RB1CC1: variants seen among roughly 807,000 people sequenced by gnomAD.
The protein encoded by RB1CC1 is RB1-inducible coiled-coil protein 1.
RB1CC1 carries 46 observed loss-of-function variants against 177.5 expected under a neutral mutation model. The observed-to-expected ratio is 0.26, with a 90% CI of 0.20 to 0.33. The LOEUF (loss-of-function observed/expected upper bound fraction) is 0.33. Ranked by LOEUF, RB1CC1 falls within the 10% of genes least tolerant of loss-of-function variation. The probability of loss-of-function intolerance (pLI) is 1.00; values close to 1 mark genes in which losing one functional copy is unlikely to be tolerated. For missense variants in RB1CC1, 1,703 were observed against 1,816.3 expected, an observed-to-expected ratio of 0.94 and a Z score of 1.13; for synonymous variants, 666 against 613.6, an observed-to-expected ratio of 1.09 and a Z score of -1.26.
Position 52,667,974 on chromosome 8 carries a change from A to C in RB1CC1, c.1173+47T>G, listed in dbSNP as rs562352455. ...GATACTGCATATAAAACATGTGTAC[A>C]AAAAAACTATAAATTCCTTTTCCTG... On this transcript the variant is annotated intron_variant, in intron 8 of 23. Coordinates refer to ENST00000025008, the MANE Select transcript of RB1CC1 (RefSeq NM_014781.5). The C allele has an allele frequency of 8.2e-5, 128 of 1,566,600 alleles. No individual in the cohort carries two copies. The African/African-American group carries it at 1.5e-3, about 19-fold the overall frequency.
At chr8:52,691,083 C>T (rs965628926) in intron 1 of RB1CC1, among the ~76,000 whole-genome samples, 10 of 152,182 alleles carry the variant, frequency 6.6e-5, no homozygotes, top group Admixed American at 3.3e-4. Context: ...TTGTAGTTTC[C>T]GCCCCTCAGA....
intron 1 of RB1CC1, among the ~76,000 whole-genome samples, chr8:52,708,294 A>G (rs1207837961): frequency 2.0e-5 from 3 of 152,170 alleles, no homozygotes; most frequent in Non-Finnish European, 4.4e-5. Flanking sequence ...AGGCGGGTGG[A>G]TCACAAGGTA....
At chr8:52,661,851 A>C in intron 8 of RB1CC1, 132 bp from the exon 9 acceptor site, 1 of 633,476 alleles carries the variant, frequency 1.6e-6, no homozygotes, top group Non-Finnish European at 2.4e-6. Flanking sequence ...TAAATCCTCT[A>C]TTTTTCTCGA....
At chr8:52,695,878 A>G (rs1439465650) in intron 1 of RB1CC1, among the ~76,000 whole-genome samples, 1 of 152,098 alleles carries the variant, frequency 6.6e-6, no homozygotes, top group African/African-American at 2.4e-5. Context: ...GAATTCTCCA[A>G]AGAGAGGGTG....
chr8:52,699,344 T>C (rs1056019228), intron 1 of RB1CC1, among the ~76,000 whole-genome samples: 11 of 152,160 alleles, frequency 7.2e-5, no homozygotes, highest in Non-Finnish European at 1.3e-4. Context: ...GTAGGGGATA[T>C]CTGTTCTTCA....
At chr8:52,655,202 T>C (rs184749920) in intron 15 of RB1CC1, among the ~76,000 whole-genome samples, 1 of 152,250 alleles carries the variant, frequency 6.6e-6, no homozygotes, top group East Asian at 1.9e-4. Flanking sequence ...GGTTTAACAG[T>C]ATACCAATAT....
At chr8:52,690,334 C>T (rs991669844) in intron 1 of RB1CC1, among the ~76,000 whole-genome samples, 3 of 152,112 alleles carry the variant, frequency 2.0e-5, no homozygotes, top group African/African-American at 7.2e-5. Flanking sequence ...ATCCAAAACA[C>T]GTGTATTGAT....
Position 52,623,864 on chromosome 8 carries a change from G to T in RB1CC1, c.4708-5C>A. ...AACTTTAAATCTGTTTTGTGCCTAA[G>T]AGGGAAAGAAAAAATGGAATCACTA... On this transcript the variant is annotated splice_region_variant and splice_polypyrimidine_tract_variant and intron_variant, in intron 23 of 23. Transcript: ENST00000025008. 6.3e-7 allele frequency: 1 copy of T among 1,592,058 alleles called. No homozygotes were observed. Among genetic ancestry groups the T allele is most frequent in the South Asian group, 1.1e-5 (1 of 90,558 alleles).
chr8:52,703,098 T>A (rs1591141694), intron 1 of RB1CC1, among the ~76,000 whole-genome samples: 1 of 152,114 alleles, frequency 6.6e-6, no homozygotes, highest in Non-Finnish European at 1.5e-5. Flanking sequence ...TCAGCCAATG[T>A]GTTCCCAGTA....
chr8:52,707,432 C>T (rs200610864), intron 1 of RB1CC1, among the ~76,000 whole-genome samples: 32 of 128,828 alleles, frequency 2.5e-4, no homozygotes, highest in Admixed American at 1.3e-3. Context: ...TTCTTTCTTT[C>T]TTTTTTTTTT....
chr8:52,630,948 T>TG (rs1233864033), intron 20 of RB1CC1, among the ~76,000 whole-genome samples: 1 of 152,178 alleles, frequency 6.6e-6, no homozygotes, highest in Non-Finnish European at 1.5e-5. Flanking sequence ...AGAAGGCTGC[T>TG]GCTCACAGCC....
chr8:52,697,333 A>G (rs1296990152), intron 1 of RB1CC1, among the ~76,000 whole-genome samples: 2 of 152,086 alleles, frequency 1.3e-5, no homozygotes, highest in Admixed American at 6.5e-5. Context: ...TTATAAACTA[A>G]AAAAGATGGA....
chr8:52,677,928 C>A (rs964212708), intron 5 of RB1CC1, among the ~76,000 whole-genome samples: 1 of 151,314 alleles, frequency 6.6e-6, no homozygotes, highest in Admixed American at 6.6e-5. Flanking sequence ...GTTCTTGCAG[C>A]GCATGTAGAA....
intron 23 of RB1CC1, among the ~76,000 whole-genome samples, chr8:52,624,215 T>C (rs1848229875): frequency 6.6e-6 from 1 of 151,948 alleles, no homozygotes; most frequent in African/African-American, 2.4e-5. Flanking sequence ...ATTCGTATTT[T>C]GTACATTGAG....
intron 5 of RB1CC1, among the ~76,000 whole-genome samples, chr8:52,678,269 T>C (rs149149978): frequency 3.3e-5 from 5 of 151,980 alleles, no homozygotes; most frequent in African/African-American, 1.2e-4. Context: ...ATACAAAAAT[T>C]AGCTGGGTGT....
intron 7 of RB1CC1, among the ~76,000 whole-genome samples, chr8:52,670,343 T>C (rs1852455012): frequency 6.6e-6 from 1 of 152,248 alleles, no homozygotes; most frequent in African/African-American, 2.4e-5. Flanking sequence ...AGAATCTCAT[T>C]AGTAATTATT....
intron 1 of RB1CC1, among the ~76,000 whole-genome samples, chr8:52,704,724 A>G (rs1856405453): frequency 6.6e-6 from 1 of 152,170 alleles, no homozygotes; most frequent in East Asian, 1.9e-4. Context: ...CTAGAACTAA[A>G]GTTATTGCAT....
intron 10 of RB1CC1, 44 bp from the exon 11 acceptor site, chr8:52,661,051 C>T (rs201849022): frequency 1.4e-5 from 22 of 1,610,810 alleles, no homozygotes; most frequent in East Asian, 6.7e-5. Flanking sequence ...TACACCAATT[C>T]GTTAAAGTTC....
intron 1 of RB1CC1, among the ~76,000 whole-genome samples, chr8:52,703,491 C>T (rs1014488413): frequency 1.3e-5 from 2 of 152,192 alleles, no homozygotes; most frequent in African/African-American, 2.4e-5. Flanking sequence ...AGGCTGATCT[C>T]CTGAAATGAG....
Sources: gnomAD v4.1 joint callset for allele counts (sites outside exome capture counted in the v4.1 genomes callset) on GRCh38, gnomAD v4.1.1 for gene constraint, MANE v1.5 for transcripts, NCBI Gene and HGNC (gene_info 2026-07-23, HGNC 2026-07-21) for gene names.